GRIA1: variants seen among roughly 807,000 people sequenced by gnomAD.
The protein encoded by GRIA1 is glutamate receptor 1.
In GRIA1, 31 loss-of-function variants were observed where a neutral mutation model predicts 99.2. The observed-to-expected ratio is 0.31, with a 90% CI of 0.23 to 0.42. The LOEUF is 0.42. GRIA1 is among the 10% of genes least tolerant of loss of function. The pLI, the probability that GRIA1 is intolerant of heterozygous loss-of-function variation, is 1.00. For synonymous variants in GRIA1, 438 were observed against 432.4 expected (o/e 1.01, Z -0.16); for missense variants, 782 against 1,157.5 (o/e 0.68, Z 4.71).
rs13156936 is a variant in GRIA1 at position 153,751,801 on chromosome 5, C to T, written c.1824-12633C>T. Reference sequence around the variant, plus strand: ...CGTTAGCATCAAGTTATGCCCTAAACGATACATACACTATTTTGTTAACAA... The same window carrying T: ...CGTTAGCATCAAGTTATGCCCTAAATGATACATACACTATTTTGTTAACAA... On this transcript the variant is annotated intron_variant, in intron 11 of 15. Transcript: ENST00000285900. 8.1e-3 allele frequency among the ~76,000 whole-genome samples: 1,237 copies of T among 152,334 alleles called. 8 individuals are homozygous for T. Among genetic ancestry groups the T allele is most frequent in the Non-Finnish European group, 0.014 (930 of 68,028 alleles).
chr5:153,634,191 A>C (rs548081376), intron 2 of GRIA1, among the ~76,000 whole-genome samples: 1 of 151,986 alleles, frequency 6.6e-6, no homozygotes, highest in African/African-American at 2.4e-5. Context: ...GATGGCAGGC[A>C]CCTGTAGTCC....
At chr5:153,658,000 T>C (rs1755080080) in intron 5 of GRIA1, among the ~76,000 whole-genome samples, 1 of 152,112 alleles carries the variant, frequency 6.6e-6, no homozygotes, top group South Asian at 2.1e-4. Context: ...TAGAGCGGAC[T>C]TAGGAAGTCA....
intron 2 of GRIA1, among the ~76,000 whole-genome samples, chr5:153,532,831 C>A (rs978493926): frequency 2.0e-5 from 3 of 152,052 alleles, no homozygotes. Flanking sequence ...TTGAGCAAGC[C>A]CCTTTACTTC....
At chr5:153,644,106 G>C (rs577749836) in intron 2 of GRIA1, among the ~76,000 whole-genome samples, 69 of 152,188 alleles carry the variant, frequency 4.5e-4, no homozygotes, top group Non-Finnish European at 6.0e-4. Context: ...ATTTTAATGA[G>C]GTTTATGTGC....
At chr5:153,717,246 A>G (rs1304310216) in intron 11 of GRIA1, among the ~76,000 whole-genome samples, 2 of 152,192 alleles carry the variant, frequency 1.3e-5, no homozygotes, top group Non-Finnish European at 2.9e-5. Context: ...TCTTCTACGA[A>G]AGGAAAAATT....
At chr5:153,790,141 T>C (rs1172977644) in intron 13 of GRIA1, among the ~76,000 whole-genome samples, 1 of 152,036 alleles carries the variant, frequency 6.6e-6, no homozygotes, top group Non-Finnish European at 1.5e-5. Context: ...TGATGGCAAG[T>C]GGAAAATCTG....
At chr5:153,653,162 A>G (rs1754696537) in intron 4 of GRIA1, among the ~76,000 whole-genome samples, 1 of 152,228 alleles carries the variant, frequency 6.6e-6, no homozygotes, top group Admixed American at 6.5e-5. Context: ...AGTATTCAAT[A>G]CATTCTTTTC....
chr5:153,737,810 G>A (rs752284587), intron 11 of GRIA1, among the ~76,000 whole-genome samples: 13 of 152,156 alleles, frequency 8.5e-5, no homozygotes, highest in Non-Finnish European at 1.8e-4. Context: ...AAATGAAGTA[G>A]GTACCTTGTC....
intron 2 of GRIA1, among the ~76,000 whole-genome samples, chr5:153,550,584 C>A (rs976589693): frequency 1.3e-5 from 2 of 152,086 alleles, no homozygotes; most frequent in Non-Finnish European, 1.5e-5. Context: ...AGAACCAAAT[C>A]AACTACTGCT....
chr5:153,803,699 C>T (rs780003890), intron 15 of GRIA1, among the ~76,000 whole-genome samples: 11 of 152,150 alleles, frequency 7.2e-5, no homozygotes, highest in Non-Finnish European at 1.3e-4. Context: ...TTTGACAAGA[C>T]TAACAAGATC....
At chr5:153,719,956 C>T (rs1483714459) in intron 11 of GRIA1, among the ~76,000 whole-genome samples, 2 of 152,168 alleles carry the variant, frequency 1.3e-5, no homozygotes, top group Non-Finnish European at 2.9e-5. Context: ...AAGTAGAGGA[C>T]TATATGGCAT....
chr5:153,527,406 G>A (rs2113409010), intron 2 of GRIA1, among the ~76,000 whole-genome samples: 1 of 152,256 alleles, frequency 6.6e-6, no homozygotes, highest in South Asian at 2.1e-4. Flanking sequence ...ATGGTTTAAG[G>A]AGATGCATAT....
intron 2 of GRIA1, among the ~76,000 whole-genome samples, chr5:153,582,201 C>A (rs1763103768): frequency 1.3e-5 from 2 of 152,148 alleles, no homozygotes; most frequent in Admixed American, 1.3e-4. Context: ...GAAGTTAGGA[C>A]CAGAGAAGAG....
intron 11 of GRIA1, among the ~76,000 whole-genome samples, chr5:153,733,820 T>C (rs1419728403): frequency 6.6e-6 from 1 of 152,134 alleles, no homozygotes; most frequent in African/African-American, 2.4e-5. Flanking sequence ...ATAATAACTA[T>C]AAATATATGT....
intron 5 of GRIA1, among the ~76,000 whole-genome samples, chr5:153,668,196 T>G (rs1399817187): frequency 1.3e-5 from 2 of 152,122 alleles, no homozygotes; most frequent in African/African-American, 4.8e-5. Context: ...TCTCAACCAA[T>G]CCTCTAACTG....
intron 2 of GRIA1, among the ~76,000 whole-genome samples, chr5:153,624,461 T>A (rs1305585081): frequency 6.6e-6 from 1 of 152,184 alleles, no homozygotes; most frequent in Admixed American, 6.5e-5. Context: ...GACCAGTTTC[T>A]CACTGATCCT....
At chr5:153,731,182 C>T (rs1760986314) in intron 11 of GRIA1, among the ~76,000 whole-genome samples, 1 of 151,762 alleles carries the variant, frequency 6.6e-6, no homozygotes. Context: ...GCCTCATCTG[C>T]TTCTCTCTCT....
intron 5 of GRIA1, among the ~76,000 whole-genome samples, chr5:153,667,328 C>T (rs1755820102): frequency 6.6e-6 from 1 of 152,216 alleles, no homozygotes; most frequent in Admixed American, 6.5e-5. Context: ...GAGGGCTGAA[C>T]AGCTCGTATG....
At chr5:153,623,589 G>A (rs182967337) in intron 2 of GRIA1, among the ~76,000 whole-genome samples, 140 of 152,296 alleles carry the variant, frequency 9.2e-4, no homozygotes, top group African/African-American at 3.1e-3. Context: ...TTCAAAATTT[G>A]TAAGCCAATT....
Sources: gnomAD v4.1 joint callset for allele counts (sites outside exome capture counted in the v4.1 genomes callset) on GRCh38, gnomAD v4.1.1 for gene constraint, MANE v1.5 for transcripts, NCBI Gene and HGNC (gene_info 2026-07-23, HGNC 2026-07-21) for gene names.